The following LIMD1 variants were observed in gnomAD, a reference collection of about 807,000 sequenced individuals.
The protein encoded by LIMD1 is LIM domain-containing protein 1.
In LIMD1, 23 loss-of-function variants were observed where a neutral mutation model predicts 58.4. The ratio of observed to expected loss-of-function variants is 0.39; its 90% CI spans 0.28 to 0.56. LIMD1 has a LOEUF of 0.56. Among genes scored for constraint, LIMD1 ranks in the 20% least tolerant of loss-of-function variants. The pLI is 0.57. For missense variants in LIMD1, 838 were observed against 855.5 expected (o/e 0.98, Z 0.25); for synonymous variants, 334 against 345.5 (o/e 0.97, Z 0.37).
intron 2 of LIMD1, among the ~76,000 whole-genome samples, chr3:45,648,922 CTTT>C (rs1701933657): frequency 6.6e-6 from 1 of 152,074 alleles, no homozygotes; most frequent in African/African-American, 2.4e-5. Flanking sequence ...CTTGGATTGT[CTTT>C]TTATTATTGA....
chr3:45,639,998 A>T (rs1327579509), intron 2 of LIMD1, among the ~76,000 whole-genome samples: 2 of 152,324 alleles, frequency 1.3e-5, no homozygotes, highest in African/African-American at 2.4e-5. Context: ...TTTTAGGGGG[A>T]CATAGACATT....
rs1002899285 is a variant in LIMD1 at position 45,672,808 on chromosome 3, G to A, written c.1760G>A (p.Arg587Gln). 12 of 1,613,688 alleles carry A rather than the reference G, an allele frequency of 7.4e-6. No homozygotes were observed. In the Admixed American group the frequency reaches 1.0e-4, roughly 13 times the overall value. The change falls in exon 5 of 8, where the codon CGA (arginine) becomes CAA (glutamine). Residue 587 changes from arginine to glutamine, a missense_variant. Coordinates refer to ENST00000273317, the MANE Select transcript of LIMD1 (RefSeq NM_014240.3). ...TCAGAGAACAAGATCTACTGTGTCC[G>A]AGATTACCACAAGTAAGAAGGGATG... ...VDSENKIYCV[R>Q]DYHKVLAPKC...
chr3:45,626,659 A>G (rs1701670095), intron 1 of LIMD1, among the ~76,000 whole-genome samples: 1 of 152,202 alleles, frequency 6.6e-6, no homozygotes, highest in South Asian at 2.1e-4. Context: ...AATAGTAGAT[A>G]CATGCCATAC....
intron 1 of LIMD1, 33 bp from the exon 2 acceptor site, chr3:45,636,117 C>T (rs1701785635): frequency 1.9e-6 from 3 of 1,610,484 alleles, no homozygotes; most frequent in African/African-American, 2.7e-5. Flanking sequence ...CTGGTTCCCT[C>T]CTGACTCACT....
intron 1 of LIMD1, among the ~76,000 whole-genome samples, chr3:45,607,684 C>CT (rs1701480837): frequency 1.1e-5 from 1 of 92,754 alleles, no homozygotes; most frequent in African/African-American, 3.5e-5. Context: ...TAAGGCACCC[C>CT]TCTTAGCAGG....
intron 1 of LIMD1, among the ~76,000 whole-genome samples, chr3:45,597,149 C>T (rs1353158051): frequency 5.3e-5 from 8 of 152,108 alleles, no homozygotes; most frequent in Admixed American, 1.3e-4. Context: ...CGTGAGCCAC[C>T]GCGCCTGGCC....
intron 1 of LIMD1, among the ~76,000 whole-genome samples, chr3:45,610,934 T>C (rs1168997710): frequency 1.3e-5 from 2 of 152,228 alleles, no homozygotes; most frequent in Non-Finnish European, 2.9e-5. Context: ...CTTTTGGATA[T>C]ATTGGCCTAA....
rs1575358053 is a variant in LIMD1 at position 45,646,671 on chromosome 3, A to T, written c.1510+10420A>T. 2.0e-5 allele frequency among the ~76,000 whole-genome samples: 3 copies of T among 151,772 alleles called. No homozygotes were observed. The East Asian group carries it at 5.8e-4, about 29-fold the overall frequency. On this transcript the variant is annotated intron_variant, in intron 2 of 7. Transcript: ENST00000273317. ...GTGGCTACTGTATTGGACTGCATGT[A>T]AAGCCTCTTGTTCCTAAATCTTTTT...
At chr3:45,635,973 G>A in intron 1 of LIMD1, 177 bp from the exon 2 acceptor site, 9 of 985,350 alleles carry the variant, frequency 9.1e-6, no homozygotes, top group Non-Finnish European at 9.6e-6. Flanking sequence ...GTTTTCTGCA[G>A]TTGAAAGAGT....
chr3:45,670,920 G>C (rs765501618), intron 4 of LIMD1, among the ~76,000 whole-genome samples: 147 of 152,300 alleles, frequency 9.7e-4, no homozygotes, highest in Non-Finnish European at 1.8e-3. Context: ...TACATTCTGG[G>C]CTTGCAGGTT....
chr3:45,677,123 G>A lies in LIMD1; in HGVS notation c.*64G>A. 6.3e-7 allele frequency: 1 copy of A among 1,580,624 alleles called. No individual in the cohort carries two copies. On this transcript the variant is annotated 3_prime_UTR_variant, in exon 8 of 8. Coordinates refer to ENST00000273317, the MANE Select transcript of LIMD1 (RefSeq NM_014240.3). ...GCCGGGGTTGCTGCTGCTGCTTCCG[G>A]TGGCCCCTGGGGTGGAAGTGGGGTA... is the stretch of plus-strand genomic sequence containing the variant.
intron 4 of LIMD1, among the ~76,000 whole-genome samples, chr3:45,668,685 G>A (rs557664527): frequency 1.1e-4 from 16 of 151,778 alleles, no homozygotes; most frequent in African/African-American, 2.9e-4. Context: ...CCCTGGAGGC[G>A]GAGTTTGCAG....
chr3:45,635,557 A>G (rs777896929), intron 1 of LIMD1, among the ~76,000 whole-genome samples: 2 of 151,934 alleles, frequency 1.3e-5, no homozygotes, highest in Non-Finnish European at 2.9e-5. Flanking sequence ...TGAGGTTACT[A>G]AATCCTAGTT....
At chr3:45,621,303 C>T (rs553109042) in intron 1 of LIMD1, among the ~76,000 whole-genome samples, 3 of 152,224 alleles carry the variant, frequency 2.0e-5, no homozygotes, top group South Asian at 2.1e-4. Context: ...GACCATGGCT[C>T]ACTGCAGCCA....
In LIMD1 at chr3:45,665,561, C is replaced by G. The variant is rs567998015; in HGVS notation, c.1511-89C>G. 3.9e-6 allele frequency: 4 copies of G among 1,028,416 alleles called. No homozygotes were observed. The East Asian group carries it at 7.1e-5, about 18-fold the overall frequency. 63.7% of individuals were successfully genotyped at this position (1,028,416 alleles called of 1,614,324 possible). A position where few individuals can be genotyped will look rare whatever the true frequency, so the allele number is the denominator to read the frequency against. Reference sequence around the variant, plus strand: ...GGCGGTTTTTACGTGTTTATTTCTGCCTAAAGATTTTGCTTTTCACTTTTC... The same window carrying G: ...GGCGGTTTTTACGTGTTTATTTCTGGCTAAAGATTTTGCTTTTCACTTTTC... On this transcript the variant is annotated intron_variant, in intron 2 of 7. Coordinates refer to ENST00000273317, the MANE Select transcript of LIMD1 (RefSeq NM_014240.3).
intron 2 of LIMD1, among the ~76,000 whole-genome samples, chr3:45,654,921 T>A (rs1327712677): frequency 2.4e-5 from 2 of 81,796 alleles, no homozygotes. Flanking sequence ...TATCAGTCAA[T>A]TTTTTTTTTT....
chr3:45,677,108 C>G lies in LIMD1; in HGVS notation c.*49C>G. 1 of 1,591,388 alleles carries G rather than the reference C, an allele frequency of 6.3e-7. No homozygotes were observed. Among genetic ancestry groups the G allele is most frequent in the Non-Finnish European group, 8.6e-7 (1 of 1,167,504 alleles). ...GGCAGGGGATGAGGAGCCGGGGTTG[C>G]TGCTGCTGCTTCCGGTGGCCCCTGG... On this transcript the variant is annotated 3_prime_UTR_variant, in exon 8 of 8. Transcript: ENST00000273317.
rs1204398262 is a variant in LIMD1 at position 45,677,355 on chromosome 3, C to T, written c.*296C>T. 3.3e-6 allele frequency: 1 copy of T among 301,492 alleles called. No homozygotes were observed. Among genetic ancestry groups the T allele is most frequent in the African/African-American group, 2.1e-5 (1 of 46,790 alleles). 18.7% of individuals were successfully genotyped at this position (301,492 alleles called of 1,614,324 possible). A position where few individuals can be genotyped will look rare whatever the true frequency, so the allele number is the denominator to read the frequency against. The stretch of plus-strand genomic sequence containing the variant: ...GTTGCATCATAGCACCAAAGGAATC[C>T]TCCTGTCCCCTCTGGGAACATTTCA... On this transcript the variant is annotated 3_prime_UTR_variant, in exon 8 of 8. Coordinates refer to ENST00000273317, the MANE Select transcript of LIMD1 (RefSeq NM_014240.3).
chr3:45,618,878 C>T (rs1701603005), intron 1 of LIMD1, among the ~76,000 whole-genome samples: 1 of 152,154 alleles, frequency 6.6e-6, no homozygotes, highest in African/African-American at 2.4e-5. Context: ...GCAGGGTGGT[C>T]CTTAGGTTCA....
Sources: allele counts gnomAD v4.1 joint callset (sites outside exome capture counted in the v4.1 genomes callset), GRCh38; gene constraint gnomAD v4.1.1; transcripts MANE v1.5; gene names NCBI Gene and HGNC (gene_info 2026-07-23, HGNC 2026-07-21).